Variants in ABCA10 observed in about 807,000 individuals in gnomAD.
The protein encoded by ABCA10 is ATP-binding cassette sub-family A member 10.
ABCA10 carries 169 observed loss-of-function variants against 187.5 expected under a neutral mutation model. That is an observed-to-expected ratio of 0.90 (90% CI 0.80 to 1.02). The LOEUF (loss-of-function observed/expected upper bound fraction) is 1.02, where lower values mean the gene tolerates loss of function less well. ABCA10 is among the 50% of genes least tolerant of loss of function. ABCA10 has a pLI of 0.00. For missense variants in ABCA10, 1,727 were observed against 1,812.4 expected (o/e 0.95, Z 0.86); for synonymous variants, 574 against 601.8 (o/e 0.95, Z 0.68).
At chr17:69,187,655 TA>T in intron 19 of ABCA10, 25 bp downstream of exon 19, 1 of 1,597,624 alleles carries the variant, frequency 6.3e-7, no homozygotes. Flanking sequence ...ACTGACCAAA[TA>T]GATATAAAGT....
chr17:69,229,720 T>C (rs2074818066), upstream of ABCA10, among the ~76,000 whole-genome samples: 1 of 150,794 alleles, frequency 6.6e-6, no homozygotes, highest in Admixed American at 6.6e-5. Context: ...CATACTTTAA[T>C]TGCTTTCCTT....
chr17:69,193,426 T>C lies in ABCA10; in HGVS notation c.1641+67A>G, dbSNP rs952164519. On this transcript the variant is annotated intron_variant, in intron 14 of 38. Transcript: ENST00000690296. ...CACATTTGGTAATTACAGTAGAAGT[T>C]GGACTTTAATAATAGTTGTATATCC... 27 of 1,550,556 alleles carry C rather than the reference T, an allele frequency of 1.7e-5. No individual in the cohort carries two copies. In the Middle Eastern group the frequency reaches 1.0e-3, roughly 59 times the overall value.
chr17:69,230,800 G>A (rs958015785), upstream of ABCA10, among the ~76,000 whole-genome samples: 2 of 151,914 alleles, frequency 1.3e-5, no homozygotes, highest in African/African-American at 4.8e-5. Flanking sequence ...AGAATCCTTC[G>A]ATCAAATTCT....
intron 25 of ABCA10, among the ~76,000 whole-genome samples, chr17:69,167,364 A>G (rs1486672887): frequency 6.6e-6 from 1 of 152,240 alleles, no homozygotes; most frequent in Non-Finnish European, 1.5e-5. Context: ...AAAGTCTGGA[A>G]GGATTCCACC....
intron 27 of ABCA10, among the ~76,000 whole-genome samples, chr17:69,159,538 C>T (rs556421970): frequency 6.6e-6 from 1 of 152,032 alleles, no homozygotes; most frequent in Non-Finnish European, 1.5e-5. Flanking sequence ...GCAGAGAAAA[C>T]AGTAAGTGGG....
upstream of ABCA10, among the ~76,000 whole-genome samples, chr17:69,231,173 G>T (rs1054288843): frequency 6.6e-6 from 1 of 152,060 alleles, no homozygotes; most frequent in African/African-American, 2.4e-5. Flanking sequence ...TCTGGTGATT[G>T]CCAGCAACCC....
intron 25 of ABCA10, 112 bp downstream of exon 25, chr17:69,174,169 C>A: frequency 2.9e-6 from 2 of 683,660 alleles, no homozygotes; most frequent in Non-Finnish European, 4.5e-6. Flanking sequence ...AAAAGAAAAA[C>A]AAACAAAAAA....
At position 69,216,743 on chromosome 17, in the gene ABCA10, AAAC is replaced by A. The variant is rs147992830; in HGVS notation, c.531-388_531-386del. Among the ~76,000 whole-genome samples the A allele has an allele frequency of 2.6e-3, 395 of 152,260 alleles. 7 individuals are homozygous for A. Among genetic ancestry groups the A allele is most frequent in the East Asian group, 0.02 (104 of 5,184 alleles). ...ATGACTATATAAAATGTCAGTGGAA[AAAC>A]AACGACAATCTCCCCTTTAAACTTC... On this transcript the variant is annotated intron_variant, in intron 6 of 38. Coordinates refer to ENST00000690296, the MANE Select transcript of ABCA10 (RefSeq NM_001377321.1).
At chr17:69,243,393 C>T (rs572457061) in intron 1 of ABCA10, among the ~76,000 whole-genome samples, 18 of 152,238 alleles carry the variant, frequency 1.2e-4, no homozygotes, top group African/African-American at 4.3e-4. Flanking sequence ...GGACAGCATG[C>T]TACTATACTT....
rs151108425 is a variant in ABCA10, at chr17:69,201,942, C to T, written c.1007-274G>A. ...CTATTACAGGCACCTGCCACCACGC[C>T]CGGCTAACTTTTGTATTTTTATTAG... On this transcript the variant is annotated intron_variant, in intron 9 of 38. Coordinates refer to ENST00000690296, the MANE Select transcript of ABCA10 (RefSeq NM_001377321.1). Among the ~76,000 whole-genome samples, 797 of 152,270 alleles carry T rather than the reference C, an allele frequency of 5.2e-3. 12 individuals carry two copies. The highest frequency in any genetic ancestry group is 0.018 in the African/African-American group (764 of 41,550).
At chr17:69,206,894 A>C (rs2144823897) in intron 9 of ABCA10, among the ~76,000 whole-genome samples, 1 of 152,314 alleles carries the variant, frequency 6.6e-6, no homozygotes, top group Admixed American at 6.5e-5. Flanking sequence ...CAGAAGCATG[A>C]GCAACAAAAC....
intron 5 of ABCA10, among the ~76,000 whole-genome samples, chr17:69,221,295 A>T (rs1423269392): frequency 1.3e-5 from 2 of 152,192 alleles, no homozygotes; most frequent in Non-Finnish European, 2.9e-5. Flanking sequence ...GTAGGGATAG[A>T]TAATATTGAG....
Position 69,182,210 on chromosome 17 carries a change from A to G in ABCA10, c.2712T>C (p.Leu904=), listed in dbSNP as rs769824017. ...PVLMGIVSNA[L]MGIFNFTELI... is the part of the protein sequence containing the mutation. ...GCTCCGTGAAGTTAAAAATTCCCAT[A>G]AGGGCATTGCTAACAATTCCCATAA... The change falls in exon 22 of 39, where the codon CTT becomes CTC. Residue 904 remains leucine, a synonymous_variant. Transcript: ENST00000690296. 1.9e-6 allele frequency: 3 copies of G among 1,601,638 alleles called. No homozygotes were observed. The highest frequency in any genetic ancestry group is 2.6e-6 in the Non-Finnish European group (3 of 1,173,448).
At chr17:69,221,514 CTGA>C (rs2074747351) in intron 5 of ABCA10, among the ~76,000 whole-genome samples, 2 of 152,126 alleles carry the variant, frequency 1.3e-5, no homozygotes, top group Admixed American at 1.3e-4. Context: ...TTGAACTTTG[CTGA>C]TGAAGTTGGG....
At position 69,174,410 on chromosome 17, in the gene ABCA10, A is replaced by G. The variant is rs370147247; in HGVS notation, c.3049-16T>C. ...TGCATACCACCTGCAAATAATGAGG[A>G]TCAATGGCAAGATTAGAAATGGCAG... is the stretch of plus-strand genomic sequence containing the variant. On this transcript the variant is annotated splice_polypyrimidine_tract_variant and intron_variant, in intron 24 of 38. Transcript: ENST00000690296. 6.4e-7 allele frequency: 1 copy of G among 1,554,478 alleles called. No homozygotes were observed. Among genetic ancestry groups the G allele is most frequent in the South Asian group, 1.2e-5 (1 of 84,262 alleles).
At chr17:69,211,515 CCTCTTT>C (rs988876768) in intron 9 of ABCA10, among the ~76,000 whole-genome samples, 7 of 151,072 alleles carry the variant, frequency 4.6e-5, no homozygotes, top group African/African-American at 1.7e-4. Context: ...GGGAGGATTC[CCTCTTT>C]CTCTATCTTT....
intron 1 of ABCA10, among the ~76,000 whole-genome samples, chr17:69,240,018 G>A (rs558135879): frequency 6.6e-6 from 1 of 152,266 alleles, no homozygotes; most frequent in South Asian, 2.1e-4. Flanking sequence ...CATCTTAACA[G>A]TGTGTTCTTG....
At chr17:69,203,975 T>C (rs2074569743) in intron 9 of ABCA10, among the ~76,000 whole-genome samples, 1 of 152,158 alleles carries the variant, frequency 6.6e-6, no homozygotes, top group South Asian at 2.1e-4. Context: ...TCTGACAAGG[T>C]GAAAATTTTG....
chr17:69,162,838 C>CATATACATATACATATACATATATAT (rs375141032), intron 27 of ABCA10, among the ~76,000 whole-genome samples: 145 of 120,826 alleles, frequency 1.2e-3, no homozygotes, highest in East Asian at 1.7e-3. Context: ...TATACATATA[C>CATATACATATACATATACATATATAT]ATATATATAT....
Sources: gnomAD v4.1 joint callset for allele counts (sites outside exome capture counted in the v4.1 genomes callset) on GRCh38, gnomAD v4.1.1 for gene constraint, MANE v1.5 for transcripts, NCBI Gene and HGNC (gene_info 2026-07-23, HGNC 2026-07-21) for gene names.